Variants in OXR1 observed in about 807,000 individuals in gnomAD.
OXR1 encodes the protein oxidation resistance 1.
Under a neutral mutation model 104.6 loss-of-function variants are expected in OXR1, and 41 were observed. The observed-to-expected ratio is 0.39, with a 90% CI of 0.31 to 0.51. The LOEUF is 0.51. Ranked by LOEUF, OXR1 falls within the 20% of genes least tolerant of loss-of-function variation. The pLI, the probability that OXR1 is intolerant of heterozygous loss-of-function variation, is 0.77. For missense variants in OXR1, 955 were observed against 1,031.9 expected (o/e 0.93, Z 1.02); for synonymous variants, 348 against 348.4 (o/e 1.00, Z 0.01).
Position 106,562,730 on chromosome 8 carries a change from G to A in OXR1, c.220+43591G>A, listed in dbSNP as rs1028703607. ...AAGGGCAGCCAGAGAGAAAGGTCGG[G>A]TTACCCACAAAGAGAAGCCCATCAG... On this transcript the variant is annotated intron_variant, in intron 3 of 16. Coordinates refer to ENST00000517566, the MANE Select transcript of OXR1 (RefSeq NM_001198533.2). Among the ~76,000 whole-genome samples the A allele has an allele frequency of 5.3e-5, 8 of 152,270 alleles. No homozygotes were observed. The East Asian group carries it at 1.5e-3, about 29-fold the overall frequency.
intron 2 of OXR1, among the ~76,000 whole-genome samples, chr8:106,430,930 T>G (rs1389135783): frequency 2.0e-5 from 3 of 152,190 alleles, no homozygotes; most frequent in Non-Finnish European, 4.4e-5. Context: ...TCTTCTTCCC[T>G]TCCCTTGAAT....
chr8:106,472,784 A>G (rs1231677322), intron 2 of OXR1, among the ~76,000 whole-genome samples: 3 of 151,706 alleles, frequency 2.0e-5, no homozygotes, highest in Non-Finnish European at 4.4e-5. Context: ...ATTTCTCAGG[A>G]ATTTCTCTTT....
At chr8:106,375,104 G>T (rs901660567) in intron 2 of OXR1, among the ~76,000 whole-genome samples, 1 of 152,130 alleles carries the variant, frequency 6.6e-6, no homozygotes, top group Admixed American at 6.5e-5. Flanking sequence ...TTTCCCTGAG[G>T]TTTTTATAGT....
chr8:106,737,606 C>T lies in OXR1; in HGVS notation c.2037+6C>T. 3 of 1,350,044 alleles carry T rather than the reference C, an allele frequency of 2.2e-6. No homozygotes were observed. Among genetic ancestry groups the T allele is most frequent in the South Asian group, 1.8e-5 (1 of 56,852 alleles). The allele number at this position is 1,350,044 out of a possible 1,614,324, so 83.6% of individuals were successfully genotyped here. A position where few individuals can be genotyped will look rare whatever the true frequency, so the allele number is the denominator to read the frequency against. On this transcript the variant is annotated splice_donor_region_variant and intron_variant, in intron 12 of 16. Transcript: ENST00000517566. Reference sequence around the variant, plus strand: ...CACTCTGCAGACGCCTCCAGGTGCCCCCTTCAGTAGTTTAAACCCCTCCAG... The same window carrying T: ...CACTCTGCAGACGCCTCCAGGTGCCTCCTTCAGTAGTTTAAACCCCTCCAG...
At chr8:106,711,061 C>A (rs1230253347) in intron 10 of OXR1, among the ~76,000 whole-genome samples, 1 of 152,048 alleles carries the variant, frequency 6.6e-6, no homozygotes, top group Admixed American at 6.6e-5. Context: ...GAAGATTCAT[C>A]AAAATATTAT....
chr8:106,287,525 A>T (rs1168420894), intron 1 of OXR1, among the ~76,000 whole-genome samples: 1 of 152,188 alleles, frequency 6.6e-6, no homozygotes, highest in Non-Finnish European at 1.5e-5. Context: ...TAGAGGGAAA[A>T]GTGCAATAAA....
In OXR1 at chr8:106,691,977, C is replaced by G. The variant is rs7844840; in HGVS notation, c.526-751C>G. On this transcript the variant is annotated intron_variant, in intron 6 of 16. Transcript: ENST00000517566. Reference sequence around the variant, plus strand: ...GAAGCGTATATATGTGTGTGTGTGTCTATATATATACACACACACACACAC... The same window carrying G: ...GAAGCGTATATATGTGTGTGTGTGTGTATATATATACACACACACACACAC... 4.0e-4 allele frequency among the ~76,000 whole-genome samples: 53 copies of G among 133,868 alleles called. No individual in the cohort carries two copies. The Middle Eastern group carries it at 0.012, about 30-fold the overall frequency. 87.8% of individuals were successfully genotyped at this position (133,868 alleles called of 152,430 possible). A position where few individuals can be genotyped will look rare whatever the true frequency, so the allele number is the denominator to read the frequency against.
intron 3 of OXR1, among the ~76,000 whole-genome samples, chr8:106,561,639 A>G (rs1358110970): frequency 6.6e-6 from 1 of 151,984 alleles, no homozygotes; most frequent in African/African-American, 2.4e-5. Flanking sequence ...GGGACAGACT[A>G]CCTCCTCAAG....
intron 3 of OXR1, among the ~76,000 whole-genome samples, chr8:106,550,919 G>A (rs957101839): frequency 6.6e-6 from 1 of 152,160 alleles, no homozygotes; most frequent in Non-Finnish European, 1.5e-5. Context: ...CTGTTAAAAT[G>A]TTTAAGTACT....
chr8:106,723,879 T>A (rs1212769188), intron 11 of OXR1, among the ~76,000 whole-genome samples: 1 of 152,056 alleles, frequency 6.6e-6, no homozygotes, highest in Non-Finnish European at 1.5e-5. Flanking sequence ...ATCCTCGAAC[T>A]CCTGGGCTCA....
At chr8:106,669,439 G>C (rs1007216742) in intron 3 of OXR1, among the ~76,000 whole-genome samples, 6 of 152,024 alleles carry the variant, frequency 3.9e-5, no homozygotes, top group Non-Finnish European at 4.4e-5. Context: ...GAGGGGTTTT[G>C]TTTTGTTTTT....
chr8:106,648,660 C>A (rs1824282730), intron 3 of OXR1, among the ~76,000 whole-genome samples: 1 of 152,134 alleles, frequency 6.6e-6, no homozygotes, highest in African/African-American at 2.4e-5. Context: ...AACTAAATAA[C>A]CTACATATAG....
intron 6 of OXR1, among the ~76,000 whole-genome samples, chr8:106,687,076 C>T (rs950175337): frequency 5.9e-5 from 9 of 152,134 alleles, no homozygotes; most frequent in Non-Finnish European, 1.2e-4. Context: ...CTCTAGTGTC[C>T]TTTGGGTGGT....
chr8:106,542,575 G>T lies in OXR1; in HGVS notation c.220+23436G>T, dbSNP rs187395376. On this transcript the variant is annotated intron_variant, in intron 3 of 16. Transcript: ENST00000517566. ...ATATATGCAATCATAAAATTATTCT[G>T]TCTTAGTAAATTTCCAGTACGGGTT... Among the ~76,000 whole-genome samples the T allele has an allele frequency of 9.2e-5, 14 of 151,916 alleles. No individual in the cohort carries two copies. In the East Asian group the frequency reaches 9.6e-4, roughly 10 times the overall value.
At chr8:106,273,661 A>G (rs1811908225) in intron 1 of OXR1, among the ~76,000 whole-genome samples, 1 of 152,244 alleles carries the variant, frequency 6.6e-6, no homozygotes, top group African/African-American at 2.4e-5. Flanking sequence ...AAATATTCCT[A>G]TTGGAAGTCC....
At chr8:106,733,370 T>C (rs553350214) in intron 11 of OXR1, among the ~76,000 whole-genome samples, 2 of 152,322 alleles carry the variant, frequency 1.3e-5, no homozygotes, top group South Asian at 4.1e-4. Flanking sequence ...CTATCCTGGC[T>C]AGAGGTAGAG....
chr8:106,544,207 CTTTT>C (rs71307066), intron 3 of OXR1, among the ~76,000 whole-genome samples: 59 of 135,550 alleles, frequency 4.4e-4, no homozygotes, highest in Non-Finnish European at 8.2e-4. Context: ...TTTTCTTTTT[CTTTT>C]TTTTTTTTTT....
At chr8:106,687,878 G>A (rs1187606540) in intron 6 of OXR1, among the ~76,000 whole-genome samples, 1 of 152,112 alleles carries the variant, frequency 6.6e-6, no homozygotes, top group African/African-American at 2.4e-5. Context: ...AACCCAGATG[G>A]GCTTGGTTCG....
chr8:106,534,512 A>G (rs1188882243), intron 3 of OXR1, among the ~76,000 whole-genome samples: 1 of 152,254 alleles, frequency 6.6e-6, no homozygotes, highest in Non-Finnish European at 1.5e-5. Flanking sequence ...TACTAAAATT[A>G]GAGCATTTGA....
Sources: gnomAD v4.1 joint callset for allele counts (sites outside exome capture counted in the v4.1 genomes callset) on GRCh38, gnomAD v4.1.1 for gene constraint, MANE v1.5 for transcripts, NCBI Gene and HGNC (gene_info 2026-07-23, HGNC 2026-07-21) for gene names.